The following RPSA2 variants were observed in gnomAD, a reference collection of about 807,000 sequenced individuals.
RPSA2 encodes ribosomal protein SA 2, also known as small ribosomal subunit protein uS2B.
chr19:23,784,956 A>C, the RPSA2 span, among the ~76,000 whole-genome samples: 1 of 152,114 alleles, frequency 6.6e-6, no homozygotes, highest in African/African-American at 2.4e-5. Context: ...GGAGGTATTG[A>C]CTCCCATATC....
chr19:23,832,976 G>A, the RPSA2 span: 8 of 1,467,694 alleles, frequency 5.5e-6, no homozygotes, highest in East Asian at 1.4e-4. Flanking sequence ...CCCTACAAGT[G>A]TGAAGAATGT....
the RPSA2 span, among the ~76,000 whole-genome samples, chr19:23,813,724 G>A: frequency 2.5e-4 from 5 of 20,206 alleles, no homozygotes; most frequent in Admixed American, 9.5e-4. Flanking sequence ...CAATCAACAC[G>A]GGTTTCTTTT....
chr19:23,758,836 G>C, the RPSA2 span: 1 of 1,583,710 alleles, frequency 6.3e-7, no homozygotes, highest in Non-Finnish European at 8.7e-7. Flanking sequence ...GCCTCTAGAA[G>C]AAGAGGACAC....
At chr19:23,785,219 T>A in the RPSA2 span, among the ~76,000 whole-genome samples, 1 of 152,208 alleles carries the variant, frequency 6.6e-6, no homozygotes, top group Non-Finnish European at 1.5e-5. Flanking sequence ...CTTTTTTTCT[T>A]GCCTTGGTGC....
At chr19:23,777,659 CCA>C in the RPSA2 span, among the ~76,000 whole-genome samples, 2 of 152,012 alleles carry the variant, frequency 1.3e-5, no homozygotes, top group African/African-American at 2.4e-5. Context: ...TGCATTCTTC[CCA>C]CAGAGAAGAT....
the RPSA2 span, among the ~76,000 whole-genome samples, chr19:23,858,194 A>AT: frequency 7.1e-6 from 1 of 141,620 alleles, no homozygotes; most frequent in Non-Finnish European, 1.5e-5. Context: ...GAAAACAATT[A>AT]TTTTTTCTTT....
chr19:23,849,577 A>G, the RPSA2 span, among the ~76,000 whole-genome samples: 1 of 152,190 alleles, frequency 6.6e-6, no homozygotes, highest in Non-Finnish European at 1.5e-5. Flanking sequence ...GGGGAATATC[A>G]TACGAGGCCT....
the RPSA2 span, among the ~76,000 whole-genome samples, chr19:23,821,313 A>C: frequency 6.6e-6 from 1 of 152,220 alleles, no homozygotes; most frequent in Non-Finnish European, 1.5e-5. Flanking sequence ...TAAGTATGCC[A>C]CCAGGCGATG....
At chr19:23,851,701 G>A in the RPSA2 span, among the ~76,000 whole-genome samples, 2 of 152,302 alleles carry the variant, frequency 1.3e-5, no homozygotes, top group East Asian at 3.9e-4. Context: ...CTTGTCTGTA[G>A]GACCCACATA....
chr19:23,861,049 C>T, the RPSA2 span, among the ~76,000 whole-genome samples: 2 of 152,208 alleles, frequency 1.3e-5, no homozygotes, highest in South Asian at 4.1e-4. Context: ...ATAATACCTT[C>T]CAGAGGCTAT....
chr19:23,835,883 C>T, the RPSA2 span, among the ~76,000 whole-genome samples: 4 of 152,206 alleles, frequency 2.6e-5, no homozygotes, highest in African/African-American at 4.8e-5. Flanking sequence ...ATCCATCCAC[C>T]TCAGCCTCCC....
At chr19:23,761,869 C>T in the RPSA2 span, among the ~76,000 whole-genome samples, 1 of 140,740 alleles carries the variant, frequency 7.1e-6, no homozygotes, top group Non-Finnish European at 1.6e-5. Context: ...GACTGAGGAG[C>T]CTTTCTAAGA....
At chr19:23,857,823 A>C in the RPSA2 span, among the ~76,000 whole-genome samples, 1 of 152,018 alleles carries the variant, frequency 6.6e-6, no homozygotes. Flanking sequence ...AAGTCATTTC[A>C]ATAATTTTTT....
At chr19:23,835,897 G>A in the RPSA2 span, among the ~76,000 whole-genome samples, 2 of 152,182 alleles carry the variant, frequency 1.3e-5, no homozygotes, top group African/African-American at 4.8e-5. Flanking sequence ...GCCTCCCAGA[G>A]TGCTGGGATT....
the RPSA2 span, among the ~76,000 whole-genome samples, chr19:23,804,942 C>T: frequency 6.6e-6 from 1 of 151,626 alleles, no homozygotes; most frequent in African/African-American, 2.4e-5. Context: ...TCAAGTATGA[C>T]GAGTTCAAGA....
the RPSA2 span, among the ~76,000 whole-genome samples, chr19:23,861,747 G>T: frequency 2.6e-5 from 4 of 152,048 alleles, no homozygotes; most frequent in Non-Finnish European, 5.9e-5. Flanking sequence ...TAACTTTTGT[G>T]GTCAAATATT....
At chr19:23,812,742 T>C in the RPSA2 span, among the ~76,000 whole-genome samples, 1 of 152,140 alleles carries the variant, frequency 6.6e-6, no homozygotes, top group Non-Finnish European at 1.5e-5. Flanking sequence ...TCTAAGTGAG[T>C]AGCCTTGGAA....
the RPSA2 span, among the ~76,000 whole-genome samples, chr19:23,803,197 AC>A: frequency 7.2e-5 from 11 of 152,080 alleles, no homozygotes; most frequent in Middle Eastern, 3.4e-3. Context: ...CCCTGTCCCA[AC>A]CCTGATCAGA....
At chr19:23,834,221 G>A in the RPSA2 span, among the ~76,000 whole-genome samples, 1 of 151,916 alleles carries the variant, frequency 6.6e-6, no homozygotes, top group South Asian at 2.1e-4. Flanking sequence ...AATATTTTTT[G>A]GAGAGTTATA....
Sources: allele counts gnomAD v4.1 joint callset (sites outside exome capture counted in the v4.1 genomes callset), GRCh38; gene constraint gnomAD v4.1.1; transcripts MANE v1.5; gene names NCBI Gene and HGNC (gene_info 2026-07-23, HGNC 2026-07-21).